RILPL1: variants seen among roughly 807,000 people sequenced by gnomAD.
RILPL1 encodes Rab interacting lysosomal protein like 1, also known as RILP-like protein 1.
A neutral mutation model predicts 50.3 loss-of-function variants in RILPL1; 33 were observed. The observed-to-expected ratio is 0.66, with a 90% confidence interval of 0.50 to 0.88. The LOEUF (loss-of-function observed/expected upper bound fraction) is 0.88. RILPL1 is among the 40% of genes least tolerant of loss of function. RILPL1 has a pLI of 0.00. For missense variants in RILPL1, 418 were observed against 542.5 expected (o/e 0.77, Z 2.28); for synonymous variants, 205 against 228.6 (o/e 0.90, Z 0.93).
rs1396111413 is a variant in RILPL1, at chr12:123,523,548, T to C, written c.407A>G (p.Asn136Ser). 2 of 1,613,618 alleles carry C rather than the reference T, an allele frequency of 1.2e-6. No individual in the cohort carries two copies. Among genetic ancestry groups the C allele is most frequent in the Non-Finnish European group, 1.7e-6 (2 of 1,179,752 alleles). Reference protein sequence around the residue: ...LQEENKQLMTNLSHKDVNFSE... With the variant: ...LQEENKQLMTSLSHKDVNFSE... ...GAAATTGACATCCTTGTGGGAGAGG[T>C]TGGTCATGAGCTGCTTGTTCTCCTC... Residue 136 changes from asparagine to serine, a missense_variant, in exon 2 of 7, where the codon AAC (asparagine) becomes AGC (serine). Asn to Ser is a conservative substitution (Grantham distance 46). Transcript: ENST00000376874.
At position 123,476,699 on chromosome 12, in the gene RILPL1, G is replaced by A. The variant is rs145593717; in HGVS notation, c.1068-4017C>T. 1.2e-3 allele frequency among the ~76,000 whole-genome samples: 180 copies of A among 152,230 alleles called. No homozygotes were observed. The Middle Eastern group carries it at 0.014, about 12-fold the overall frequency. ...GGCAGATTCTCCCTTACAGTCCGAA[G>A]AAGGAGCTGACCCTGCTGACGCCTT... On this transcript the variant is annotated intron_variant, in intron 6 of 6. Transcript: ENST00000376874.
chr12:123,512,930 G>C (rs1884452323), intron 2 of RILPL1, among the ~76,000 whole-genome samples: 1 of 142,820 alleles, frequency 7.0e-6, no homozygotes, highest in South Asian at 2.3e-4. Flanking sequence ...GGTGACATCT[G>C]TGTGTGTGTG....
At chr12:123,494,381 G>A (rs1472593932) in intron 4 of RILPL1, among the ~76,000 whole-genome samples, 2 of 152,212 alleles carry the variant, frequency 1.3e-5, no homozygotes, top group African/African-American at 4.8e-5. Context: ...AAAGCAGCCT[G>A]GAGGGTTCAC....
At position 123,522,207 on chromosome 12, in the gene RILPL1, A is replaced by G. The variant is rs1176553686; in HGVS notation, c.460+1288T>C. 6.6e-6 allele frequency among the ~76,000 whole-genome samples: 1 copy of G among 152,062 alleles called. No individual in the cohort carries two copies. The highest frequency in any genetic ancestry group is 1.5e-5 in the Non-Finnish European group (1 of 68,016). Reference sequence around the variant, plus strand: ...GCTAAGGAGTTTCTCAGAAGTATTGACTCTGAGCTTTCCTTGGGGTGAGCT... The same window carrying G: ...GCTAAGGAGTTTCTCAGAAGTATTGGCTCTGAGCTTTCCTTGGGGTGAGCT... On this transcript the variant is annotated intron_variant, in intron 2 of 6. Coordinates refer to ENST00000376874, the MANE Select transcript of RILPL1 (RefSeq NM_178314.5). This position sits in a 1 kb window ranked among gnomAD's most constrained non-coding sequence, Gnocchi z 4.0.
At chr12:123,512,026 AGT>A (rs1171250162) in intron 2 of RILPL1, among the ~76,000 whole-genome samples, 2 of 53,020 alleles carry the variant, frequency 3.8e-5, no homozygotes, top group Admixed American at 2.4e-4. Context: ...CTGTGTGTGT[AGT>A]GTGTGAGGTT....
At chr12:123,511,128 C>G (rs1177830004) in intron 2 of RILPL1, among the ~76,000 whole-genome samples, 1 of 99,580 alleles carries the variant, frequency 1.0e-5, no homozygotes, top group Admixed American at 1.1e-4. Context: ...TGTGTGAGGT[C>G]TATGTGTGTG....
intron 2 of RILPL1, chr12:123,518,344 A>C (rs1884826640): frequency 2.3e-6 from 1 of 426,238 alleles, no homozygotes. Flanking sequence ...GTCTCTACCA[A>C]AAAAATTTAA....
intron 2 of RILPL1, among the ~76,000 whole-genome samples, chr12:123,521,629 AC>A (rs1566144281): frequency 0.04 from 278 of 7,006 alleles, 8 homozygotes; most frequent in African/African-American, 0.065. Flanking sequence ...GTATATATAT[AC>A]ACACATATGT....
chr12:123,480,968 T>C (rs1881947197), intron 6 of RILPL1, among the ~76,000 whole-genome samples: 1 of 152,184 alleles, frequency 6.6e-6, no homozygotes, highest in Non-Finnish European at 1.5e-5. Flanking sequence ...GGGTTAGGGA[T>C]AGTCATGTGA....
intron 4 of RILPL1, among the ~76,000 whole-genome samples, chr12:123,496,589 CT>C (rs1412516065): frequency 1.3e-5 from 2 of 152,168 alleles, no homozygotes; most frequent in African/African-American, 4.8e-5. Flanking sequence ...CTATACTTTT[CT>C]GAAACAGCAT....
At chr12:123,500,133 T>G (rs1566126443) in intron 2 of RILPL1, among the ~76,000 whole-genome samples, 1 of 151,984 alleles carries the variant, frequency 6.6e-6, no homozygotes, top group Non-Finnish European at 1.5e-5. Flanking sequence ...GGTTTCACCG[T>G]GTTAGCCAGG....
At chr12:123,496,212 C>T (rs1269731426) in intron 4 of RILPL1, among the ~76,000 whole-genome samples, 1 of 151,872 alleles carries the variant, frequency 6.6e-6, no homozygotes, top group Non-Finnish European at 1.5e-5. Flanking sequence ...TGGGGCTTCA[C>T]CATATTGGCC....
chr12:123,475,133 G>C (rs1170606417), intron 6 of RILPL1: 5 of 157,634 alleles, frequency 3.2e-5, no homozygotes, highest in African/African-American at 1.2e-4. Context: ...AACACCTCAC[G>C]GTTACGCTTC....
At chr12:123,503,008 C>T (rs1883495887) in intron 2 of RILPL1, among the ~76,000 whole-genome samples, 1 of 151,686 alleles carries the variant, frequency 6.6e-6, no homozygotes, top group Non-Finnish European at 1.5e-5. Context: ...CTGCCTCAGC[C>T]TCCCAAGTAG....
chr12:123,526,939 G>A (rs1009495002), intron 1 of RILPL1, among the ~76,000 whole-genome samples: 5 of 152,130 alleles, frequency 3.3e-5, no homozygotes, highest in Non-Finnish European at 1.5e-5. Flanking sequence ...GTAACTGGCT[G>A]GGGCAGGGAG....
intron 1 of RILPL1, among the ~76,000 whole-genome samples, chr12:123,529,771 G>A (rs771133087): frequency 1.3e-5 from 2 of 151,754 alleles, no homozygotes; most frequent in Non-Finnish European, 2.9e-5. Context: ...CTACTCAGGA[G>A]GCTGAGGCAG....
intron 2 of RILPL1, among the ~76,000 whole-genome samples, chr12:123,499,963 G>A (rs1322009560): frequency 2.0e-5 from 3 of 147,766 alleles, no homozygotes; most frequent in East Asian, 2.0e-4. Flanking sequence ...ACGGAGTCTC[G>A]CTCTGTCGCC....
At chr12:123,524,088 C>G (rs1885165436) in intron 1 of RILPL1, among the ~76,000 whole-genome samples, 1 of 152,208 alleles carries the variant, frequency 6.6e-6, no homozygotes, top group Non-Finnish European at 1.5e-5. Context: ...GACGGGGCCC[C>G]CTGCCCCAGC....
Position 123,480,084 on chromosome 12 carries a change from A to G in RILPL1, c.1067+4096T>C, listed in dbSNP as rs375573768. On this transcript the variant is annotated intron_variant, in intron 6 of 6. Coordinates refer to ENST00000376874, the MANE Select transcript of RILPL1 (RefSeq NM_178314.5). ...CTCTGGAAGGAATTTTTAGAATTACATATGACCGTGGGTGCTGGAGGCTCT... is the reference window on the plus strand; with the variant it reads ...CTCTGGAAGGAATTTTTAGAATTACGTATGACCGTGGGTGCTGGAGGCTCT... 1.1e-3 allele frequency among the ~76,000 whole-genome samples: 161 copies of G among 152,224 alleles called. 4 individuals carry two copies. The South Asian group carries it at 0.027, about 25-fold the overall frequency.
Sources: gnomAD v4.1 joint callset for allele counts (sites outside exome capture counted in the v4.1 genomes callset) on GRCh38, gnomAD v4.1.1 for gene constraint, Gnocchi (gnomAD v3.1) non-coding constraint, MANE v1.5 for transcripts, NCBI Gene and HGNC (gene_info 2026-07-23, HGNC 2026-07-21) for gene names.